EFCAB11: variants seen among roughly 807,000 people sequenced by gnomAD.
EFCAB11 encodes the protein EF-hand calcium-binding domain-containing protein 11.
Under a neutral mutation model 23.0 loss-of-function variants are expected in EFCAB11, and 14 were observed. The ratio of observed to expected loss-of-function variants is 0.61; its 90% CI spans 0.40 to 0.95. The LOEUF is 0.95. Among genes scored for constraint, EFCAB11 ranks in the 40% least tolerant of loss-of-function variants. EFCAB11 has a pLI of 0.00. For synonymous variants in EFCAB11, 65 were observed against 66.6 expected (o/e 0.98, Z 0.11); for missense variants, 198 against 195.8 (o/e 1.01, Z -0.07).
At chr14:89,843,897 G>GTGA (rs1224856472) in intron 5 of EFCAB11, among the ~76,000 whole-genome samples, 21 of 152,196 alleles carry the variant, frequency 1.4e-4, no homozygotes, top group African/African-American at 5.1e-4. Flanking sequence ...GCTCACAGTG[G>GTGA]TGAATACAAG....
rs80041796 is a variant in EFCAB11 at position 89,953,221 on chromosome 14, A to C, written c.171+685T>G. ...CAATGTTGGCAGAAAAAAAAAAAAAACCCCACCTATATAACCCCAGACAGG... is the reference window on the plus strand; with the variant it reads ...CAATGTTGGCAGAAAAAAAAAAAAACCCCCACCTATATAACCCCAGACAGG... On this transcript the variant is annotated intron_variant, in intron 2 of 5. Transcript: ENST00000316738. Among the ~76,000 whole-genome samples, 1,508 of 151,798 alleles carry C rather than the reference A, an allele frequency of 9.9e-3. 28 individuals carry two copies. The highest frequency in any genetic ancestry group is 0.034 in the African/African-American group (1,406 of 41,370).
chr14:89,850,537 T>C (rs1257994704), intron 5 of EFCAB11, among the ~76,000 whole-genome samples: 1 of 152,236 alleles, frequency 6.6e-6, no homozygotes. Flanking sequence ...GAGGTGCTGC[T>C]CTGCATAATT....
chr14:89,835,643 T>TGTGTGTGTGTGTG (rs1491344939), intron 5 of EFCAB11, among the ~76,000 whole-genome samples: 93 of 138,862 alleles, frequency 6.7e-4, no homozygotes, highest in East Asian at 2.4e-3. Flanking sequence ...TGTGTGTGTG[T>TGTGTGTGTGTGTG]TTGAGACGTT....
At chr14:89,798,686 T>C (rs1885657900) in intron 5 of EFCAB11, among the ~76,000 whole-genome samples, 1 of 152,238 alleles carries the variant, frequency 6.6e-6, no homozygotes, top group Admixed American at 6.5e-5. Context: ...ATATTTTGTG[T>C]GTGTGCGAGT....
At chr14:89,919,577 C>T (rs1036806718) in intron 5 of EFCAB11, among the ~76,000 whole-genome samples, 1 of 152,010 alleles carries the variant, frequency 6.6e-6, no homozygotes, top group East Asian at 1.9e-4. Flanking sequence ...GGTAACCAGT[C>T]CTGGGATTTT....
At chr14:89,938,751 G>C (rs1890679401) in intron 3 of EFCAB11, among the ~76,000 whole-genome samples, 1 of 151,814 alleles carries the variant, frequency 6.6e-6, no homozygotes, top group Non-Finnish European at 1.5e-5. Flanking sequence ...GTAAAACCTT[G>C]TCTCTACTAA....
chr14:89,887,824 C>G (rs1888841230), intron 5 of EFCAB11, among the ~76,000 whole-genome samples: 1 of 152,272 alleles, frequency 6.6e-6, no homozygotes, highest in African/African-American at 2.4e-5. Context: ...CATTAAACAT[C>G]TGTATCATAT....
intron 5 of EFCAB11, among the ~76,000 whole-genome samples, chr14:89,835,528 G>A (rs1887044942): frequency 6.7e-6 from 1 of 150,014 alleles, no homozygotes; most frequent in Non-Finnish European, 1.5e-5. Flanking sequence ...CGTCAGATCA[G>A]CTCTCATAAA....
intron 5 of EFCAB11, among the ~76,000 whole-genome samples, chr14:89,841,383 C>A (rs1455342343): frequency 1.3e-5 from 2 of 151,760 alleles, no homozygotes; most frequent in Non-Finnish European, 2.9e-5. Context: ...TCCCTCTCTC[C>A]CCATCCTTTC....
chr14:89,953,844 T>C (rs1299205065), intron 2 of EFCAB11, 62 bp downstream of exon 2: 1 of 1,402,534 alleles, frequency 7.1e-7, no homozygotes, highest in East Asian at 2.3e-5. Flanking sequence ...CTGTGAACTT[T>C]TCTTAGGATC....
intron 5 of EFCAB11, among the ~76,000 whole-genome samples, chr14:89,873,615 CG>C (rs2140166103): frequency 6.6e-6 from 1 of 152,266 alleles, no homozygotes; most frequent in South Asian, 2.1e-4. Flanking sequence ...AATGGGGGTA[CG>C]GGCATTGGAT....
At chr14:89,842,367 T>A (rs1394853174) in intron 5 of EFCAB11, among the ~76,000 whole-genome samples, 2 of 152,170 alleles carry the variant, frequency 1.3e-5, no homozygotes, top group Non-Finnish European at 2.9e-5. Flanking sequence ...GGCAGGTGGA[T>A]CACCTGAGTT....
At chr14:89,890,275 C>T (rs1286952) in intron 5 of EFCAB11, among the ~76,000 whole-genome samples, 102,549 of 152,034 alleles carry the variant, frequency 0.67, 35,647 homozygotes, top group African/African-American at 0.85. Context: ...TTAGGTTATA[C>T]GAAAATAAAT....
chr14:89,888,521 A>C (rs986056628), intron 5 of EFCAB11, among the ~76,000 whole-genome samples: 7 of 152,186 alleles, frequency 4.6e-5, no homozygotes, highest in Non-Finnish European at 1.0e-4. Flanking sequence ...GGGAAGTGCT[A>C]CACACTTTTA....
In EFCAB11 at chr14:89,902,210, T is replaced by C. The variant is rs574318385; in HGVS notation, c.410+29331A>G. Reference sequence around the variant, plus strand: ...TGCAACTGCTTTTCCTCTTTCTGGATGGCTCTTCGTCATTTAGGTCTCAGT... The same window carrying C: ...TGCAACTGCTTTTCCTCTTTCTGGACGGCTCTTCGTCATTTAGGTCTCAGT... On this transcript the variant is annotated intron_variant, in intron 5 of 5. Transcript: ENST00000316738. 1.3e-4 allele frequency among the ~76,000 whole-genome samples: 20 copies of C among 152,330 alleles called. No individual in the cohort carries two copies. The South Asian group carries it at 3.3e-3, about 25-fold the overall frequency.
At chr14:89,911,103 C>T (rs1051000488) in intron 5 of EFCAB11, among the ~76,000 whole-genome samples, 5 of 152,140 alleles carry the variant, frequency 3.3e-5, no homozygotes, top group African/African-American at 7.2e-5. Flanking sequence ...CAACTTTTAG[C>T]AGTATTTTAA....
chr14:89,804,775 T>C (rs764602769), intron 5 of EFCAB11, among the ~76,000 whole-genome samples: 1 of 152,190 alleles, frequency 6.6e-6, no homozygotes, highest in African/African-American at 2.4e-5. Context: ...AAATTAAATA[T>C]TGCCTTTAAG....
At chr14:89,909,265 C>G (rs1596447368) in intron 5 of EFCAB11, among the ~76,000 whole-genome samples, 1 of 152,194 alleles carries the variant, frequency 6.6e-6, no homozygotes. Context: ...CCACACTACA[C>G]TAGGAGAGAT....
chr14:89,935,733 G>A (rs773960746), intron 3 of EFCAB11, among the ~76,000 whole-genome samples: 3 of 152,228 alleles, frequency 2.0e-5, no homozygotes, highest in East Asian at 3.9e-4. Flanking sequence ...AATTAGCCAG[G>A]TGCGGTAGCT....
Sources: gnomAD v4.1 joint callset for allele counts (sites outside exome capture counted in the v4.1 genomes callset) on GRCh38, gnomAD v4.1.1 for gene constraint, MANE v1.5 for transcripts, NCBI Gene and HGNC (gene_info 2026-07-23, HGNC 2026-07-21) for gene names.